Variants in SEMA6D observed in about 807,000 individuals in gnomAD.
SEMA6D encodes semaphorin 6D, also known as semaphorin-6D.
A neutral mutation model predicts 106.6 loss-of-function variants in SEMA6D; 35 were observed. The ratio of observed to expected loss-of-function variants is 0.33; its 90% CI spans 0.25 to 0.44. The LOEUF (loss-of-function observed/expected upper bound fraction) is 0.44, where lower values mean the gene tolerates loss of function less well. Ranked by LOEUF, SEMA6D falls within the 20% of genes least tolerant of loss-of-function variation. The pLI is 1.00. For missense variants in SEMA6D, 1,185 were observed against 1,345.9 expected (o/e 0.88, Z 1.87); for synonymous variants, 499 against 487.7 (o/e 1.02, Z -0.31).
At chr15:47,383,315 G>A (rs143560353) in intron 1 of SEMA6D, among the ~76,000 whole-genome samples, 53 of 152,330 alleles carry the variant, frequency 3.5e-4, no homozygotes, top group African/African-American at 1.3e-3. Context: ...GATTCATCTT[G>A]ATAATTCATT....
intron 3 of SEMA6D, among the ~76,000 whole-genome samples, chr15:47,580,560 A>G (rs946615192): frequency 1.3e-5 from 2 of 152,186 alleles, no homozygotes; most frequent in Non-Finnish European, 2.9e-5. Context: ...CCACATCGAT[A>G]AAGATTACTA....
intron 3 of SEMA6D, among the ~76,000 whole-genome samples, chr15:47,518,198 T>G (rs2044450357): frequency 2.0e-5 from 3 of 152,138 alleles, no homozygotes; most frequent in Admixed American, 1.3e-4. Flanking sequence ...AATTTAATTT[T>G]TAATAATGAG....
chr15:47,743,552 A>C (rs2147107969), intron 1 of SEMA6D, among the ~76,000 whole-genome samples: 1 of 152,322 alleles, frequency 6.6e-6, no homozygotes, highest in African/African-American at 2.4e-5. Context: ...GAAAAGAAGG[A>C]AACAGACTAT....
chr15:47,417,002 C>T (rs17311369), intron 2 of SEMA6D, among the ~76,000 whole-genome samples: 38,752 of 151,860 alleles, frequency 0.26, 5,908 homozygotes, highest in Middle Eastern at 0.45. Flanking sequence ...GACAAAATGT[C>T]GTTAGAGCTC....
chr15:47,256,002 C>A (rs113316876), intron 1 of SEMA6D, among the ~76,000 whole-genome samples: 4 of 152,240 alleles, frequency 2.6e-5, no homozygotes, highest in African/African-American at 9.6e-5. Flanking sequence ...ATGAGTGGAG[C>A]ATTTTTTGTG....
chr15:47,617,673 C>T (rs781274545), intron 4 of SEMA6D, among the ~76,000 whole-genome samples: 1 of 152,150 alleles, frequency 6.6e-6, no homozygotes, highest in Non-Finnish European at 1.5e-5. Context: ...GAGTTAAATT[C>T]CTGTGTTTGG....
At chr15:47,435,793 G>T (rs1364959198) in intron 2 of SEMA6D, among the ~76,000 whole-genome samples, 1 of 152,044 alleles carries the variant, frequency 6.6e-6, no homozygotes, top group Non-Finnish European at 1.5e-5. Context: ...AGACCCTATA[G>T]TCATATTATT....
intron 4 of SEMA6D, among the ~76,000 whole-genome samples, chr15:47,603,148 A>G (rs1475289273): frequency 1.3e-5 from 2 of 152,082 alleles, no homozygotes; most frequent in African/African-American, 4.8e-5. Flanking sequence ...GATATAGGAG[A>G]TAAACTTCTT....
At chr15:47,356,412 G>A (rs1595811630) in intron 1 of SEMA6D, among the ~76,000 whole-genome samples, 2 of 152,254 alleles carry the variant, frequency 1.3e-5, no homozygotes, top group South Asian at 2.1e-4. Context: ...TACACCTGGA[G>A]GCACAAATGA....
rs933787405 is a variant in SEMA6D at position 47,731,033 on chromosome 15, T to C, written c.-55+13341T>C. The stretch of plus-strand genomic sequence containing the variant: ...TTTTAGAAAATATTAATCTACTTCA[T>C]GAATGTGCATGTAGCTACCTGTGAA... On this transcript the variant is annotated intron_variant, in intron 1 of 18. Transcript: ENST00000536845. 9 of 591,172 alleles carry C rather than the reference T, an allele frequency of 1.5e-5. No homozygotes were observed. The African/African-American group carries it at 1.7e-4, about 11-fold the overall frequency. The allele number at this position is 591,172 out of a possible 1,614,324, so 36.6% of individuals were successfully genotyped here.
intron 1 of SEMA6D, among the ~76,000 whole-genome samples, chr15:47,302,041 A>G (rs538640171): frequency 1.4e-4 from 21 of 152,302 alleles, no homozygotes; most frequent in African/African-American, 5.1e-4. Context: ...GTAAATGCTG[A>G]ATATGCACCA....
intron 3 of SEMA6D, among the ~76,000 whole-genome samples, chr15:47,482,065 A>G (rs1270300828): frequency 6.6e-6 from 1 of 152,202 alleles, no homozygotes; most frequent in Non-Finnish European, 1.5e-5. Context: ...TTCTTTGGCT[A>G]GAGCAAGGAT....
intron 1 of SEMA6D, among the ~76,000 whole-genome samples, chr15:47,313,721 T>C (rs2036533290): frequency 6.6e-6 from 1 of 152,232 alleles, no homozygotes; most frequent in African/African-American, 2.4e-5. Flanking sequence ...AACACCACCA[T>C]ACTCAGCTAA....
intron 3 of SEMA6D, among the ~76,000 whole-genome samples, chr15:47,504,065 G>A (rs987609030): frequency 5.9e-5 from 9 of 152,202 alleles, no homozygotes; most frequent in Non-Finnish European, 1.5e-5. Context: ...AGCTGGACAT[G>A]AAGCCCTCTG....
intron 3 of SEMA6D, among the ~76,000 whole-genome samples, chr15:47,582,049 A>T (rs928372444): frequency 6.6e-6 from 1 of 152,254 alleles, no homozygotes; most frequent in African/African-American, 2.4e-5. Context: ...ACAGAAGTCC[A>T]GTTTAATCAG....
At chr15:47,525,035 C>G (rs1327426688) in intron 3 of SEMA6D, 1 of 152,238 alleles carries the variant, frequency 6.6e-6, no homozygotes, top group Non-Finnish European at 1.5e-5. Context: ...CTTTGTTCCT[C>G]TCTTTTTGTA....
At chr15:47,542,269 A>G (rs2045378299) in intron 3 of SEMA6D, among the ~76,000 whole-genome samples, 2 of 152,218 alleles carry the variant, frequency 1.3e-5, no homozygotes, top group South Asian at 4.1e-4. Flanking sequence ...ATGGGAAACT[A>G]ATTAGATTAA....
At chr15:47,294,932 G>A (rs2035745734) in intron 1 of SEMA6D, among the ~76,000 whole-genome samples, 1 of 152,114 alleles carries the variant, frequency 6.6e-6, no homozygotes, top group African/African-American at 2.4e-5. Flanking sequence ...AAAATCTGAA[G>A]CATTTAGTTC....
chr15:47,614,187 C>G (rs1247594374), intron 4 of SEMA6D, among the ~76,000 whole-genome samples: 1 of 152,114 alleles, frequency 6.6e-6, no homozygotes, highest in Non-Finnish European at 1.5e-5. Context: ...AAAAGAAACA[C>G]ACACACAAAC....
Sources: gnomAD v4.1 joint callset for allele counts (sites outside exome capture counted in the v4.1 genomes callset) on GRCh38, gnomAD v4.1.1 for gene constraint, MANE v1.5 for transcripts, NCBI Gene and HGNC (gene_info 2026-07-23, HGNC 2026-07-21) for gene names.